SEMA3D: variants seen among roughly 807,000 people sequenced by gnomAD.
SEMA3D encodes semaphorin-3D.
In SEMA3D, 84 loss-of-function variants were observed where a neutral mutation model predicts 100.1. The ratio of observed to expected loss-of-function variants is 0.84; its 90% CI spans 0.70 to 1.01. The LOEUF is 1.01. SEMA3D is among the 50% of genes least tolerant of loss of function. SEMA3D has a pLI of 0.00. For synonymous variants in SEMA3D, 312 were observed against 320.7 expected (o/e 0.97, Z 0.29); for missense variants, 875 against 934.1 (o/e 0.94, Z 0.82).
chr7:85,162,890 A>G (rs759063985), intron 1 of SEMA3D, among the ~76,000 whole-genome samples: 3 of 152,156 alleles, frequency 2.0e-5, no homozygotes, highest in African/African-American at 4.8e-5. Flanking sequence ...GACTGAAAGG[A>G]AAATAACATT....
chr7:85,129,688 G>A (rs1411201961), intron 2 of SEMA3D, among the ~76,000 whole-genome samples: 1 of 152,078 alleles, frequency 6.6e-6, no homozygotes, highest in African/African-American at 2.4e-5. Context: ...CTACTGGAAA[G>A]CAGTAAATAA....
At chr7:85,075,883 T>C (rs1376056072) in intron 5 of SEMA3D, among the ~76,000 whole-genome samples, 1 of 152,220 alleles carries the variant, frequency 6.6e-6, no homozygotes, top group Non-Finnish European at 1.5e-5. Context: ...TTTCAACTCA[T>C]AACTTCATTT....
the SEMA3D span, among the ~76,000 whole-genome samples, chr7:85,214,747 C>T: frequency 2.2e-4 from 34 of 152,196 alleles, no homozygotes; most frequent in South Asian, 3.3e-3. Flanking sequence ...CCACCTTCCT[C>T]GGCCTCCCAA....
At chr7:85,241,403 G>A in the SEMA3D span, among the ~76,000 whole-genome samples, 1 of 146,290 alleles carries the variant, frequency 6.8e-6, no homozygotes, top group Non-Finnish European at 1.5e-5. Flanking sequence ...GTTCACAATT[G>A]CAAAAATATG....
At chr7:85,225,225 T>C in the SEMA3D span, among the ~76,000 whole-genome samples, 1 of 146,928 alleles carries the variant, frequency 6.8e-6, no homozygotes, top group Non-Finnish European at 1.5e-5. Context: ...ATATATATTA[T>C]ACTTTTAGTG....
Position 84,996,640 on chromosome 7 carries a change from G to T in SEMA3D, c.*2800C>A, listed in dbSNP as rs531350326. 1 of 152,442 alleles carries T rather than the reference G, an allele frequency of 6.6e-6. No individual in the cohort carries two copies. The highest frequency in any genetic ancestry group is 1.9e-4 in the East Asian group (1 of 5,190). 9.4% of individuals were successfully genotyped at this position (152,442 alleles called of 1,614,324 possible). On this transcript the variant is annotated 3_prime_UTR_variant, in exon 19 of 19. Transcript: ENST00000284136. ...AATGTAAATGAATGCAGACATGCGG[G>T]ATTCTATTTAGCAGCATAAATTGCT...
chr7:85,026,790 GAA>G (rs1350169502), intron 12 of SEMA3D, among the ~76,000 whole-genome samples: 1 of 151,960 alleles, frequency 6.6e-6, no homozygotes, highest in African/African-American at 2.4e-5. Flanking sequence ...AGCTCCTTAG[GAA>G]AAGAGTGTAT....
chr7:85,165,436 G>C (rs1199700872), intron 1 of SEMA3D, among the ~76,000 whole-genome samples: 1 of 152,092 alleles, frequency 6.6e-6, no homozygotes, highest in Non-Finnish European at 1.5e-5. Context: ...ATAGTTTCAT[G>C]TGACTAAGAT....
chr7:85,032,360 A>G (rs1790572400), intron 12 of SEMA3D, among the ~76,000 whole-genome samples: 1 of 152,092 alleles, frequency 6.6e-6, no homozygotes, highest in Non-Finnish European at 1.5e-5. Context: ...AAAGCACACT[A>G]ATAGCATTGA....
chr7:85,050,648 A>G, intron 9 of SEMA3D: 1 of 430,862 alleles, frequency 2.3e-6, no homozygotes, highest in Non-Finnish European at 4.2e-6. Flanking sequence ...TCTTGACCAA[A>G]ATTTGCATTG....
chr7:84,999,870 A>G lies in SEMA3D; in HGVS notation c.1909-5T>C, dbSNP rs753428082. On this transcript the variant is annotated splice_polypyrimidine_tract_variant and splice_region_variant and intron_variant, in intron 18 of 18. Coordinates refer to ENST00000284136, the MANE Select transcript of SEMA3D (RefSeq NM_001384900.1). ...GATTCTTTCATCGGGCTTCAACTGC[A>G]GAATTGGAAAAATGTAGGTAATAAA... The G allele has an allele frequency of 1.9e-6, 3 of 1,609,860 alleles. No homozygotes were observed. Among genetic ancestry groups the G allele is most frequent in the African/African-American group, 2.7e-5 (2 of 74,760 alleles).
At chr7:85,246,429 T>G in the SEMA3D span, among the ~76,000 whole-genome samples, 1 of 152,050 alleles carries the variant, frequency 6.6e-6, no homozygotes, top group Non-Finnish European at 1.5e-5. Flanking sequence ...TTTTTTTTTC[T>G]GTGGAGCTGT....
At chr7:85,171,732 C>T (rs1791087811) in intron 1 of SEMA3D, among the ~76,000 whole-genome samples, 1 of 151,512 alleles carries the variant, frequency 6.6e-6, no homozygotes, top group Non-Finnish European at 1.5e-5. Flanking sequence ...AGAATCAAGC[C>T]AGCAAATTTA....
intron 12 of SEMA3D, among the ~76,000 whole-genome samples, chr7:85,032,126 C>T (rs960883204): frequency 7.9e-5 from 12 of 151,888 alleles, no homozygotes; most frequent in African/African-American, 2.9e-4. Flanking sequence ...ATTCCCTTCC[C>T]TGTAAAATGA....
At chr7:85,236,744 T>G in the SEMA3D span, among the ~76,000 whole-genome samples, 2 of 152,170 alleles carry the variant, frequency 1.3e-5, no homozygotes, top group Non-Finnish European at 2.9e-5. Flanking sequence ...ATGAAACAAA[T>G]ATTTGGTGTT....
the SEMA3D span, among the ~76,000 whole-genome samples, chr7:85,209,005 T>C: frequency 1.3e-5 from 2 of 152,176 alleles, no homozygotes; most frequent in South Asian, 4.1e-4. Flanking sequence ...GTTAGCCTTA[T>C]TTAACCAGAG....
chr7:85,062,004 T>C (rs566625503), intron 8 of SEMA3D, among the ~76,000 whole-genome samples: 40 of 152,304 alleles, frequency 2.6e-4, no homozygotes, highest in African/African-American at 9.4e-4. Flanking sequence ...CATGTCCATA[T>C]GTCCCAGTTT....
the SEMA3D span, among the ~76,000 whole-genome samples, chr7:85,199,086 A>G: frequency 6.6e-6 from 1 of 152,026 alleles, no homozygotes; most frequent in East Asian, 1.9e-4. Flanking sequence ...ATAAAGAGAC[A>G]TCATTATTAT....
In SEMA3D at chr7:84,996,771, C is replaced by T. The variant is rs1789512386; in HGVS notation, c.*2669G>A. 6.6e-6 allele frequency: 1 copy of T among 151,958 alleles called. No individual in the cohort carries two copies. Among genetic ancestry groups the T allele is most frequent in the African/African-American group, 2.4e-5 (1 of 41,410 alleles). 9.4% of individuals were successfully genotyped at this position (151,958 alleles called of 1,614,324 possible). ...AACAGGCATTTTAAGATCCCCTCCG[C>T]AGAGTCAATTTCTTAGCATATTTGA... On this transcript the variant is annotated 3_prime_UTR_variant, in exon 19 of 19. Coordinates refer to ENST00000284136, the MANE Select transcript of SEMA3D (RefSeq NM_001384900.1).
Sources: allele counts gnomAD v4.1 joint callset (sites outside exome capture counted in the v4.1 genomes callset), GRCh38; gene constraint gnomAD v4.1.1; transcripts MANE v1.5; gene names NCBI Gene and HGNC (gene_info 2026-07-23, HGNC 2026-07-21).